The following FSCN3 variants were observed in gnomAD, a reference collection of about 807,000 sequenced individuals.
FSCN3 encodes the protein fascin actin-bundling protein 3, also known as fascin-3.
FSCN3 carries 43 observed loss-of-function variants against 53.5 expected under a neutral mutation model. The observed-to-expected ratio is 0.80, with a 90% confidence interval of 0.63 to 1.04. The LOEUF is 1.04. Ranked by LOEUF, FSCN3 falls within the 50% of genes least tolerant of loss-of-function variation. The pLI is 0.00. For synonymous variants in FSCN3, 235 were observed against 246.6 expected (o/e 0.95, Z 0.44); for missense variants, 594 against 646.5 (o/e 0.92, Z 0.88).
At chr7:127,596,199 C>T (rs187340705) in intron 2 of FSCN3, 129 bp from the exon 3 acceptor site, 1 of 1,512,126 alleles carries the variant, frequency 6.6e-7, no homozygotes, top group East Asian at 2.3e-5. Flanking sequence ...TAGGTCTTCT[C>T]CAGACCTACC....
rs1482723867 is a variant in FSCN3, at chr7:127,595,509, T to C, written c.347T>C (p.Leu116Ser). ...CAGTGCCTAATCTCTGGTCGTTATT[T>C]GGAGTCCAATGGCAAGGACGTGTTT... is the stretch of plus-strand genomic sequence containing the variant. The part of the protein sequence containing the change: ...TLQCLISGRY[L>S]ESNGKDVFCT... The change falls in exon 2 of 7, where the codon TTG becomes TCG. Residue 116 changes from leucine to serine, a missense_variant. Coordinates refer to ENST00000265825, the MANE Select transcript of FSCN3 (RefSeq NM_020369.3). 1.9e-6 allele frequency: 3 copies of C among 1,614,072 alleles called. No homozygotes were observed. Among genetic ancestry groups the C allele is most frequent in the Admixed American group, 1.7e-5 (1 of 60,000 alleles).
At chr7:127,595,253 G>A in intron 1 of FSCN3, 54 bp from the exon 2 acceptor site, 2 of 1,504,100 alleles carry the variant, frequency 1.3e-6, no homozygotes, top group South Asian at 1.3e-5. Context: ...AGGGCTCCTT[G>A]GTCTGGTAAC....
chr7:127,601,561 C>T (rs1454089981), intron 6 of FSCN3, 62 bp from the exon 7 acceptor site: 1 of 152,166 alleles, frequency 6.6e-6, no homozygotes, highest in African/African-American at 2.4e-5. Context: ...ATTCTAAAAG[C>T]CAGAGATCAG....
At chr7:127,594,878 C>T (rs916264064) in intron 1 of FSCN3, 6 of 474,036 alleles carry the variant, frequency 1.3e-5, no homozygotes, top group Non-Finnish European at 2.2e-5. Flanking sequence ...TTGCTTCTGT[C>T]TTGCCATGCT....
chr7:127,598,253 G>A (rs1017445878), intron 3 of FSCN3, among the ~76,000 whole-genome samples, 182 bp from the exon 4 acceptor site: 1 of 152,202 alleles, frequency 6.6e-6, no homozygotes, highest in Non-Finnish European at 1.5e-5. Context: ...ACAGACTGGG[G>A]GAAGGGGAAG....
intron 2 of FSCN3, 43 bp downstream of exon 2, chr7:127,596,046 C>T: frequency 6.6e-7 from 1 of 1,509,856 alleles, no homozygotes; most frequent in Non-Finnish European, 8.8e-7. Context: ...AGAGGGCTGG[C>T]TGTTAAAAAG....
intron 6 of FSCN3, among the ~76,000 whole-genome samples, chr7:127,600,833 A>C (rs1794463379): frequency 6.6e-6 from 1 of 152,188 alleles, no homozygotes; most frequent in Non-Finnish European, 1.5e-5. Context: ...GGTCTCTTGA[A>C]TATTTTCCTC....
rs764424422 is a variant in FSCN3, at chr7:127,595,615, C to T, written c.453C>T (p.Pro151=). The change falls in exon 2 of 7, where the codon CCC becomes CCT. Residue 151 remains proline (P), a synonymous_variant. Transcript: ENST00000265825. ...ALHVHVILYS[P]IHRCYARADP... ...ATGTCCACGTGATCCTCTACAGCCCCATCCACCGCTGCTATGCCCGGGCTG... is the reference window on the plus strand; with the variant it reads ...ATGTCCACGTGATCCTCTACAGCCCTATCCACCGCTGCTATGCCCGGGCTG... 1.2e-6 allele frequency: 2 copies of T among 1,614,130 alleles called. No homozygotes were observed. The highest frequency in any genetic ancestry group is 1.7e-6 in the Non-Finnish European group (2 of 1,179,970).
At position 127,596,315 on chromosome 7, in the gene FSCN3, G is replaced by A. The variant is rs961172070; in HGVS notation, c.842-13G>A. 16 of 1,584,606 alleles carry A rather than the reference G, an allele frequency of 1.0e-5. No homozygotes were observed. Among genetic ancestry groups the A allele is most frequent in the Middle Eastern group, 1.7e-4 (1 of 5,978 alleles). On this transcript the variant is annotated splice_polypyrimidine_tract_variant and intron_variant, in intron 2 of 6. Coordinates refer to ENST00000265825, the MANE Select transcript of FSCN3 (RefSeq NM_020369.3). ...TGAGGGGAGGCTTTTACTGACATGC[G>A]CTTCCTCTGCAGATGGTGAGGTGCG... is the stretch of plus-strand genomic sequence containing the variant.
chr7:127,598,583 T>A lies in FSCN3; in HGVS notation c.1109T>A (p.Val370Asp). ...IAPNSLLMANVILPGPNEEFG... is the reference protein window; with the variant it reads ...IAPNSLLMANDILPGPNEEFG... ...CCCAACAGCCTGCTGATGGCCAATG[T>A]CATCCTTCCAGGTGAGTGGAGCAGC... Residue 370 changes from valine (V) to aspartate (D), a missense_variant, in exon 4 of 7, where the codon GTC (valine) becomes GAC (aspartate). By Grantham distance (152) the Val-to-Asp change is radical. Coordinates refer to ENST00000265825, the MANE Select transcript of FSCN3 (RefSeq NM_020369.3). The A allele has an allele frequency of 6.2e-7, 1 of 1,610,274 alleles. No homozygotes were observed. Among genetic ancestry groups the A allele is most frequent in the Admixed American group, 1.7e-5 (1 of 59,596 alleles).
Position 127,600,333 on chromosome 7 carries a change from C to T in FSCN3, c.1431C>T (p.Ala477=), listed in dbSNP as rs1253844333. 7 of 1,613,326 alleles carry T rather than the reference C, an allele frequency of 4.3e-6. No homozygotes were observed. Among genetic ancestry groups the T allele is most frequent in the South Asian group, 2.2e-5 (2 of 91,078 alleles). Reference sequence around the variant, plus strand: ...CCCCCAATGGCTTCTACATGCGAGCCGACCAAAGTGGCACCCTGTTGGCAG... The same window carrying T: ...CCCCCAATGGCTTCTACATGCGAGCTGACCAAAGTGGCACCCTGTTGGCAG... ...VLAPNGFYMR[A]DQSGTLLADS... Residue 477 remains alanine (A), a synonymous_variant, in exon 6 of 7, where the codon GCC becomes GCT. Transcript: ENST00000265825.
chr7:127,596,278 A>G, intron 2 of FSCN3, 50 bp from the exon 3 acceptor site: 1 of 1,540,408 alleles, frequency 6.5e-7, no homozygotes. Context: ...AACATGGAGG[A>G]GGGGCCGAGA....
intron 4 of FSCN3, 140 bp downstream of exon 4, chr7:127,598,734 G>T: frequency 1.5e-6 from 1 of 689,596 alleles, no homozygotes; most frequent in Non-Finnish European, 2.4e-6. Flanking sequence ...GGGAGGCTGA[G>T]GTGGGTGGAT....
rs761737931 is a variant in FSCN3, at chr7:127,595,695, G to A, written c.533G>A (p.Cys178Tyr). The change falls in exon 2 of 7, where the codon TGT becomes TAT. Residue 178 changes from cysteine to tyrosine, a missense_variant. Cys to Tyr is a radical substitution (Grantham distance 194). Transcript: ENST00000265825. ...VDAAVPCLEECGFLLHFRDGC... is the reference protein window; with the variant it reads ...VDAAVPCLEEYGFLLHFRDGC... ...GCAGCAGTTCCCTGCCTGGAGGAGT[G>A]TGGCTTCCTGTTGCATTTCCGAGAT... The A allele has an allele frequency of 6.2e-7, 1 of 1,614,120 alleles. No individual in the cohort carries two copies. The highest frequency in any genetic ancestry group is 1.1e-5 in the South Asian group (1 of 91,076).
rs1181381726 is a variant in FSCN3 at position 127,595,687 on chromosome 7, G to A, written c.525G>A (p.Leu175=). The stretch of plus-strand genomic sequence containing the variant: ...GGGTGGACGCAGCAGTTCCCTGCCT[G>A]GAGGAGTGTGGCTTCCTGTTGCATT... The part of the protein sequence containing the change: ...RIWVDAAVPC[L]EECGFLLHFR... Residue 175 remains leucine (L), a synonymous_variant, in exon 2 of 7, where the codon CTG becomes CTA. Transcript: ENST00000265825. 5 of 1,613,928 alleles carry A rather than the reference G, an allele frequency of 3.1e-6. No individual in the cohort carries two copies. The highest frequency in any genetic ancestry group is 1.3e-5 in the African/African-American group (1 of 74,930).
At chr7:127,601,455 T>A (rs1292130327) in intron 6 of FSCN3, among the ~76,000 whole-genome samples, 168 bp from the exon 7 acceptor site, 3 of 152,250 alleles carry the variant, frequency 2.0e-5, no homozygotes, top group African/African-American at 7.2e-5. Flanking sequence ...TTAAGCTTCT[T>A]CCTTTAAGTT....
intron 3 of FSCN3, 81 bp from the exon 4 acceptor site, chr7:127,598,354 G>C: frequency 7.7e-7 from 1 of 1,295,622 alleles, no homozygotes; most frequent in South Asian, 1.2e-5. Flanking sequence ...GTGGGAAGAG[G>C]GTCTAGGAAT....
chr7:127,596,187 C>G, intron 2 of FSCN3, 141 bp from the exon 3 acceptor site: 1 of 1,496,418 alleles, frequency 6.7e-7, no homozygotes, highest in Middle Eastern at 2.5e-4. Flanking sequence ...GGGAAAGTTG[C>G]CTAGGTCTTC....
At position 127,595,463 on chromosome 7, in the gene FSCN3, C is replaced by T. The variant is rs113671816; in HGVS notation, c.301C>T (p.Arg101Trp). The change falls in exon 2 of 7, where the codon CGG becomes TGG. Residue 101 changes from arginine to tryptophan, a missense_variant. Physicochemically the swap from Arg to Trp is moderately radical, Grantham distance 101. Coordinates refer to ENST00000265825, the MANE Select transcript of FSCN3 (RefSeq NM_020369.3). Reference sequence around the variant, plus strand: ...TGGGTGCTTTCTACTGCGTTTCCACCGGAACAGCAAGTGGACCCTCCAGTG... The same window carrying T: ...TGGGTGCTTTCTACTGCGTTTCCACTGGAACAGCAAGTGGACCCTCCAGTG... ...HHGCFLLRFH[R>W]NSKWTLQCLI... The T allele has an allele frequency of 1.9e-5, 30 of 1,614,154 alleles. No homozygotes were observed. The highest frequency in any genetic ancestry group is 6.7e-5 in the Admixed American group (4 of 60,020).
Sources: gnomAD v4.1 joint callset for allele counts (sites outside exome capture counted in the v4.1 genomes callset) on GRCh38, gnomAD v4.1.1 for gene constraint, MANE v1.5 for transcripts, NCBI Gene and HGNC (gene_info 2026-07-23, HGNC 2026-07-21) for gene names.